The following CDH11 variants were observed in gnomAD, a reference collection of about 807,000 sequenced individuals.
CDH11 encodes cadherin-11.
A neutral mutation model predicts 67.8 loss-of-function variants in CDH11; 11 were observed. The observed-to-expected ratio is 0.16, with a 90% CI of 0.10 to 0.27. The LOEUF (loss-of-function observed/expected upper bound fraction) is 0.27. Ranked by LOEUF, CDH11 falls within the 10% of genes least tolerant of loss-of-function variation. The pLI, the probability that CDH11 is intolerant of heterozygous loss-of-function variation, is 1.00. For synonymous variants in CDH11, 419 were observed against 400.0 expected (o/e 1.05, Z -0.57); for missense variants, 847 against 1,031.2 (o/e 0.82, Z 2.45).
intron 1 of CDH11, among the ~76,000 whole-genome samples, chr16:65,058,691 G>T (rs1281674038): frequency 6.6e-6 from 1 of 152,120 alleles, no homozygotes; most frequent in Non-Finnish European, 1.5e-5. Flanking sequence ...TAAAAAATTG[G>T]GAGAAACAGG....
At chr16:64,959,687 C>A (rs2071618890) in intron 11 of CDH11, among the ~76,000 whole-genome samples, 1 of 152,082 alleles carries the variant, frequency 6.6e-6, no homozygotes, top group Non-Finnish European at 1.5e-5. Flanking sequence ...AAGACATCTG[C>A]CATTTTGATC....
At position 64,998,827 on chromosome 16, in the gene CDH11, C is replaced by T. The variant is rs866568718; in HGVS notation, c.258G>A (p.Gly86=). The change falls in exon 4 of 13, where the codon GGG becomes GGA. Residue 86 remains glycine, a synonymous_variant. Coordinates refer to ENST00000268603, the MANE Select transcript of CDH11 (RefSeq NM_001797.4). The part of the protein sequence containing the change: ...RLHSDIDSGD[G]NIKYILSGEG... The stretch of plus-strand genomic sequence containing the variant: ...CCCCTGAGAGAATGTATTTAATGTT[C>T]CCATCACCAGAGTCAATATCTGAAT... 6 of 1,613,990 alleles carry T rather than the reference C, an allele frequency of 3.7e-6. No homozygotes were observed. The Middle Eastern group carries it at 6.6e-4, about 178-fold the overall frequency.
intron 2 of CDH11, among the ~76,000 whole-genome samples, chr16:65,043,777 C>T (rs1345216003): frequency 6.6e-6 from 1 of 152,114 alleles, no homozygotes; most frequent in African/African-American, 2.4e-5. Flanking sequence ...GAAGCGATCT[C>T]TGCCTTAATT....
chr16:65,068,975 A>T (rs1597155176), intron 1 of CDH11, among the ~76,000 whole-genome samples: 1 of 152,212 alleles, frequency 6.6e-6, no homozygotes, highest in African/African-American at 2.4e-5. Flanking sequence ...TTCTCATTTC[A>T]TTAGGAAAAT....
At chr16:64,959,968 T>C (rs1188406990) in intron 11 of CDH11, among the ~76,000 whole-genome samples, 3 of 152,234 alleles carry the variant, frequency 2.0e-5, no homozygotes, top group Admixed American at 2.0e-4. Context: ...TGTTTATTTA[T>C]GTCTTTGCTT....
intron 1 of CDH11, among the ~76,000 whole-genome samples, chr16:65,074,062 G>A (rs1597160983): frequency 1.3e-5 from 2 of 152,148 alleles, no homozygotes; most frequent in East Asian, 3.9e-4. Flanking sequence ...GGGAACATTT[G>A]TTGTTTTGTT....
intron 1 of CDH11, among the ~76,000 whole-genome samples, chr16:65,109,891 GTTTGT>G (rs1425609262): frequency 1.4e-5 from 2 of 144,870 alleles, no homozygotes; most frequent in African/African-American, 5.1e-5. Context: ...TTGTTTGTTT[GTTTGT>G]TTTAAGACAG....
At chr16:65,020,886 C>A (rs1308116530) in intron 2 of CDH11, among the ~76,000 whole-genome samples, 1 of 152,038 alleles carries the variant, frequency 6.6e-6, no homozygotes, top group Non-Finnish European at 1.5e-5. Flanking sequence ...CAAGATGGAA[C>A]CCTTTCAGGA....
At chr16:65,103,215 C>T (rs1273163275) in intron 1 of CDH11, among the ~76,000 whole-genome samples, 2 of 152,112 alleles carry the variant, frequency 1.3e-5, no homozygotes, top group East Asian at 3.9e-4. Flanking sequence ...CACATATTCT[C>T]GGTTAGCTTT....
intron 1 of CDH11, among the ~76,000 whole-genome samples, chr16:65,068,432 A>G (rs1408654339): frequency 7.6e-6 from 1 of 132,232 alleles, no homozygotes; most frequent in African/African-American, 2.8e-5. Flanking sequence ...AAAAAAAAAA[A>G]AAAAAAAGAG....
At chr16:64,964,642 G>A (rs938786611) in intron 11 of CDH11, among the ~76,000 whole-genome samples, 24 of 151,952 alleles carry the variant, frequency 1.6e-4, no homozygotes, top group Non-Finnish European at 2.8e-4. Context: ...TCCGCCTCCC[G>A]GGTTCACGTC....
intron 2 of CDH11, among the ~76,000 whole-genome samples, chr16:65,021,956 G>T (rs1205665592): frequency 6.6e-6 from 1 of 150,950 alleles, no homozygotes; most frequent in African/African-American, 2.4e-5. Context: ...TAAGTAAATG[G>T]CAAAAGTCCC....
intron 1 of CDH11, among the ~76,000 whole-genome samples, chr16:65,108,074 G>A (rs1029007027): frequency 1.1e-4 from 17 of 152,116 alleles, no homozygotes; most frequent in African/African-American, 3.6e-4. Flanking sequence ...CACCCAATAA[G>A]AAAAGGACAC....
At chr16:64,953,492 A>G (rs144053972) in intron 11 of CDH11, among the ~76,000 whole-genome samples, 2,332 of 152,184 alleles carry the variant, frequency 0.015, 29 homozygotes, top group Middle Eastern at 0.058. Context: ...TGAATTTTGT[A>G]TGATTGGCAT....
intron 1 of CDH11, among the ~76,000 whole-genome samples, chr16:65,086,508 C>T (rs759421925): frequency 6.6e-6 from 1 of 152,180 alleles, no homozygotes; most frequent in Non-Finnish European, 1.5e-5. Flanking sequence ...TTTATTCACC[C>T]TTTGTGATTA....
At chr16:64,948,761 A>T (rs753536024) in intron 12 of CDH11, 2 of 1,601,320 alleles carry the variant, frequency 1.2e-6, no homozygotes, top group South Asian at 2.3e-5. Flanking sequence ...TCCCTGGGAG[A>T]GGGGGGTTCC....
upstream of CDH11, among the ~76,000 whole-genome samples, chr16:65,122,721 A>T (rs944376383): frequency 7.9e-5 from 12 of 151,884 alleles, no homozygotes; most frequent in African/African-American, 2.9e-4. Context: ...AGGGAGACTT[A>T]GGACTTGGGA....
intron 4 of CDH11, 55 bp downstream of exon 4, chr16:64,998,507 C>T (rs188507713): frequency 1.3e-6 from 2 of 1,546,416 alleles, no homozygotes; most frequent in Admixed American, 1.7e-5. Context: ...TTCAGCCCAC[C>T]CACCACAGAG....
chr16:64,958,032 T>C (rs1025549487), intron 11 of CDH11, among the ~76,000 whole-genome samples: 1 of 152,184 alleles, frequency 6.6e-6, no homozygotes, highest in African/African-American at 2.4e-5. Context: ...CCCTGTGAGC[T>C]CTCTACCTAC....
Sources: allele counts gnomAD v4.1 joint callset (sites outside exome capture counted in the v4.1 genomes callset), GRCh38; gene constraint gnomAD v4.1.1; transcripts MANE v1.5; gene names NCBI Gene and HGNC (gene_info 2026-07-23, HGNC 2026-07-21).